The following UGT2B4 variants were observed in gnomAD, a reference collection of about 807,000 sequenced individuals.
The protein encoded by UGT2B4 is UDP glucuronosyltransferase family 2 member B4, also known as UDP-glucuronosyltransferase 2B4.
In UGT2B4, 49 loss-of-function variants were observed where a neutral mutation model predicts 49.8. That is an observed-to-expected ratio of 0.98 (90% CI 0.78 to 1.25). The LOEUF (loss-of-function observed/expected upper bound fraction) is 1.25, where lower values mean the gene tolerates loss of function less well. Among genes scored for constraint, UGT2B4 ranks in the 50% most tolerant of loss-of-function variants. The pLI is 0.00. For missense variants in UGT2B4, 729 were observed against 627.7 expected (o/e 1.16, Z -1.73); for synonymous variants, 246 against 217.7 (o/e 1.13, Z -1.14).
chr4:69,492,747 C>T (rs1236550695), intron 2 of UGT2B4, among the ~76,000 whole-genome samples: 1 of 151,928 alleles, frequency 6.6e-6, no homozygotes, highest in Non-Finnish European at 1.5e-5. Flanking sequence ...TTTGTATTAA[C>T]TTTTTTCCAC....
intron 1 of UGT2B4, among the ~76,000 whole-genome samples, chr4:69,519,303 T>C (rs777725272): frequency 2.6e-5 from 4 of 152,112 alleles, no homozygotes; most frequent in Non-Finnish European, 4.4e-5. Flanking sequence ...AAATGTACAT[T>C]AGTAACCTAA....
At chr4:69,504,996 A>G (rs1394644890) in intron 1 of UGT2B4, among the ~76,000 whole-genome samples, 3 of 152,112 alleles carry the variant, frequency 2.0e-5, no homozygotes, top group Non-Finnish European at 2.9e-5. Flanking sequence ...AAAATAAGAT[A>G]TTTTTTAGGC....
intron 5 of UGT2B4, among the ~76,000 whole-genome samples, chr4:69,484,688 T>C (rs952637419): frequency 6.6e-6 from 1 of 152,182 alleles, no homozygotes. Flanking sequence ...ACAAATGTTC[T>C]AAAATTATAT....
chr4:69,495,741 T>C lies in UGT2B4; in HGVS notation c.121A>G (p.Thr41Ala). The C allele has an allele frequency of 6.2e-7, 1 of 1,614,078 alleles. No individual in the cohort carries two copies. ...CTCTGGACAAGTTCATCCAGGATTG[T>C]CTTTATATTCATCCAGTGGCTGAAT... ...TEFSHWMNIK[T>A]ILDELVQRGH... The change falls in exon 1 of 6, where the codon ACA becomes GCA. Residue 41 changes from threonine (T) to alanine (A), a missense_variant. By Grantham distance (58) the Thr-to-Ala change is moderately conservative (BLOSUM62 0). Transcript: ENST00000305107.
At chr4:69,514,060 A>G (rs559210054) in intron 1 of UGT2B4, among the ~76,000 whole-genome samples, 8 of 151,882 alleles carry the variant, frequency 5.3e-5, no homozygotes, top group Non-Finnish European at 8.8e-5. Flanking sequence ...GAATAAATGA[A>G]TAAATGTCAA....
At chr4:69,496,843 T>C (rs6820660), upstream of UGT2B4, among the ~76,000 whole-genome samples, 31,242 of 152,054 alleles carry the variant, frequency 0.21, 3,385 homozygotes, top group Middle Eastern at 0.27. Context: ...ATTTATGATA[T>C]AGCATTTACG....
upstream of UGT2B4, among the ~76,000 whole-genome samples, chr4:69,500,653 GAAA>G (rs1728291939): frequency 2.4e-5 from 3 of 122,592 alleles, no homozygotes; most frequent in African/African-American, 5.2e-5. Context: ...AAGAAAGAAA[GAAA>G]GAAAGAAAGA....
intron 1 of UGT2B4, among the ~76,000 whole-genome samples, chr4:69,508,703 G>A (rs1728534435): frequency 6.6e-6 from 1 of 152,116 alleles, no homozygotes; most frequent in Non-Finnish European, 1.5e-5. Flanking sequence ...GGGTCTATTT[G>A]AGGCTGAAGA....
At chr4:69,504,305 C>T (rs900969966) in intron 1 of UGT2B4, among the ~76,000 whole-genome samples, 2 of 151,914 alleles carry the variant, frequency 1.3e-5, no homozygotes, top group Non-Finnish European at 2.9e-5. Flanking sequence ...CATTGTAACC[C>T]AAAAACAAGA....
At chr4:69,517,234 C>G (rs546281404) in intron 1 of UGT2B4, among the ~76,000 whole-genome samples, 1 of 151,830 alleles carries the variant, frequency 6.6e-6, no homozygotes. Context: ...GTTTAGCCCT[C>G]CCCCCCAAGA....
chr4:69,483,697 C>A (rs1344734865), intron 5 of UGT2B4, among the ~76,000 whole-genome samples: 5 of 151,912 alleles, frequency 3.3e-5, no homozygotes, highest in African/African-American at 1.2e-4. Context: ...TACATAAAAA[C>A]ATTATTAATA....
chr4:69,486,830 A>G (rs570150826), intron 3 of UGT2B4, 134 bp from the exon 4 acceptor site: 2 of 532,270 alleles, frequency 3.8e-6, no homozygotes, highest in Admixed American at 3.5e-5. Context: ...TGATGTAAAT[A>G]GAATACTCAT....
intron 4 of UGT2B4, among the ~76,000 whole-genome samples, chr4:69,485,838 T>C (rs1045140280): frequency 6.6e-6 from 1 of 152,172 alleles, no homozygotes; most frequent in East Asian, 1.9e-4. Flanking sequence ...CTCGGCTCAC[T>C]GCAACCTCCA....
intron 1 of UGT2B4, among the ~76,000 whole-genome samples, chr4:69,513,004 T>C (rs535248171): frequency 2.6e-5 from 4 of 152,312 alleles, no homozygotes; most frequent in African/African-American, 9.6e-5. Flanking sequence ...GGTGGATAGA[T>C]TGCAAAAAAT....
chr4:69,486,555 A>C, intron 4 of UGT2B4, 54 bp downstream of exon 4: 1 of 1,261,038 alleles, frequency 7.9e-7, no homozygotes, highest in Non-Finnish European at 1.1e-6. Flanking sequence ...ATAACTATTA[A>C]CACTTTAATA....
chr4:69,509,896 G>A (rs1728565966), intron 1 of UGT2B4, among the ~76,000 whole-genome samples: 1 of 151,332 alleles, frequency 6.6e-6, no homozygotes, highest in Non-Finnish European at 1.5e-5. Flanking sequence ...TTTGTTGTCT[G>A]TGCTTTTCAG....
At chr4:69,496,328 G>C (rs1318882768), upstream of UGT2B4, among the ~76,000 whole-genome samples, 1 of 152,072 alleles carries the variant, frequency 6.6e-6, no homozygotes, top group African/African-American at 2.4e-5. Context: ...CCCAGCCCTA[G>C]ATTTTTAAGT....
At chr4:69,502,119 TTC>T (rs1728345788) in intron 1 of UGT2B4, among the ~76,000 whole-genome samples, 1 of 128,244 alleles carries the variant, frequency 7.8e-6, no homozygotes, top group Admixed American at 7.8e-5. Context: ...CTTTCTTTCT[TTC>T]TTTCTTTCTT....
chr4:69,486,040 C>T (rs1056650784), intron 4 of UGT2B4, among the ~76,000 whole-genome samples: 9 of 152,138 alleles, frequency 5.9e-5, no homozygotes, highest in African/African-American at 1.9e-4. Flanking sequence ...GGATTGCAGG[C>T]GTGAGCCACC....
Sources: allele counts gnomAD v4.1 joint callset (sites outside exome capture counted in the v4.1 genomes callset), GRCh38; gene constraint gnomAD v4.1.1; transcripts MANE v1.5; gene names NCBI Gene and HGNC (gene_info 2026-07-23, HGNC 2026-07-21).